The following MBTD1 variants were observed in gnomAD, a reference collection of about 807,000 sequenced individuals.
MBTD1 encodes the protein mbt domain containing 1, also known as MBT domain-containing protein 1.
Under a neutral mutation model 87.8 loss-of-function variants are expected in MBTD1, and 24 were observed. The observed-to-expected ratio is 0.27, with a 90% confidence interval of 0.20 to 0.38. The LOEUF (loss-of-function observed/expected upper bound fraction) is 0.38, where lower values mean the gene tolerates loss of function less well. Ranked by LOEUF, MBTD1 falls within the 10% of genes least tolerant of loss-of-function variation. The pLI is 1.00. For synonymous variants in MBTD1, 237 were observed against 248.6 expected, an observed-to-expected ratio of 0.95 and a Z score of 0.44; for missense variants, 436 against 760.2, an observed-to-expected ratio of 0.57 and a Z score of 5.02.
intron 2 of MBTD1, chr17:51,249,797 T>C (rs972378926): frequency 6.6e-5 from 10 of 152,242 alleles, no homozygotes; most frequent in African/African-American, 2.4e-5. Context: ...CTGTATTTTT[T>C]TTCTTACCTA....
At chr17:51,215,402 C>T (rs956817505) in intron 6 of MBTD1, among the ~76,000 whole-genome samples, 24 of 151,970 alleles carry the variant, frequency 1.6e-4, no homozygotes, top group African/African-American at 5.3e-4. Context: ...GGTTGAAATG[C>T]CATTTTTTTT....
chr17:51,211,589 A>G (rs2052223024), intron 6 of MBTD1, among the ~76,000 whole-genome samples: 1 of 152,076 alleles, frequency 6.6e-6, no homozygotes, highest in African/African-American at 2.4e-5. Context: ...TTTCATGGCA[A>G]CACTCAGACT....
rs544716183 is a variant in MBTD1 at position 51,243,324 on chromosome 17, A to T, written c.-49+15819T>A. On this transcript the variant is annotated intron_variant, in intron 2 of 16. Transcript: ENST00000586178. The stretch of plus-strand genomic sequence containing the variant: ...TTTTTTAAGCTCTCTATTTGGAAGT[A>T]ACTTTGAACTTTCAGGAAAGTTAGA... 9.9e-5 allele frequency among the ~76,000 whole-genome samples: 15 copies of T among 152,010 alleles called. No individual in the cohort carries two copies. In the East Asian group the frequency reaches 2.9e-3, roughly 29 times the overall value.
In MBTD1 at chr17:51,178,793, C is replaced by T. The variant is rs778331377; in HGVS notation, c.*1783G>A. ...TATTTGACACATGAGAATCAACTTG[C>T]GTTGATGTGATCTGCATTTATGCCC... On this transcript the variant is annotated 3_prime_UTR_variant, in exon 17 of 17. Coordinates refer to ENST00000586178, the MANE Select transcript of MBTD1 (RefSeq NM_017643.3). 3.9e-5 allele frequency: 6 copies of T among 152,170 alleles called. No homozygotes were observed. The highest frequency in any genetic ancestry group is 1.3e-4 in the Admixed American group (2 of 15,272). The allele number at this position is 152,170 out of a possible 1,614,324, so 9.4% of individuals were successfully genotyped here.
At position 51,180,569 on chromosome 17, in the gene MBTD1, A is replaced by C. The variant is rs1052428448; in HGVS notation, c.*7T>G. 6 of 1,500,748 alleles carry C rather than the reference A, an allele frequency of 4.0e-6. No homozygotes were observed. In the African/African-American group the frequency reaches 8.4e-5, roughly 21 times the overall value. The allele number at this position is 1,500,748 out of a possible 1,614,324, so 93.0% of individuals were successfully genotyped here. A position where few individuals can be genotyped will look rare whatever the true frequency, so the allele number is the denominator to read the frequency against. On this transcript the variant is annotated 3_prime_UTR_variant, in exon 17 of 17. Transcript: ENST00000586178. ...CTTCCCCACCCGCCCTCAGTTTCTA[A>C]GCCACCTCATGGCTCTTGTTTGATG...
At chr17:51,228,237 G>A (rs2053342591) in intron 2 of MBTD1, among the ~76,000 whole-genome samples, 1 of 152,048 alleles carries the variant, frequency 6.6e-6, no homozygotes, top group African/African-American at 2.4e-5. Context: ...AGGGTGGGAG[G>A]AGGGAGAGGA....
At chr17:51,187,870 A>G (rs558656439) in intron 16 of MBTD1, among the ~76,000 whole-genome samples, 26 of 151,610 alleles carry the variant, frequency 1.7e-4, no homozygotes, top group African/African-American at 2.9e-4. Flanking sequence ...AAGAAAGAAA[A>G]AAAAAAAAAA....
chr17:51,179,484 T>TTTTA lies in MBTD1; in HGVS notation c.*1091_*1092insTAAA, dbSNP rs2050203728. The stretch of plus-strand genomic sequence containing the variant: ...ATCCTGAATACAATTAAAGACAATT[T>TTTTA]TATATATATATATATATATATATAT... On this transcript the variant is annotated 3_prime_UTR_variant, in exon 17 of 17. Coordinates refer to ENST00000586178, the MANE Select transcript of MBTD1 (RefSeq NM_017643.3). 2.8e-5 allele frequency: 1 copy of TTTTA among 35,306 alleles called. No homozygotes were observed. The highest frequency in any genetic ancestry group is 5.9e-5 in the Non-Finnish European group (1 of 17,020). The allele number at this position is 35,306 out of a possible 1,614,324, so 2.2% of individuals were successfully genotyped here. A position where few individuals can be genotyped will look rare whatever the true frequency, so the allele number is the denominator to read the frequency against.
intron 2 of MBTD1, among the ~76,000 whole-genome samples, chr17:51,227,223 C>T (rs1044065675): frequency 8.0e-6 from 1 of 124,802 alleles, no homozygotes; most frequent in African/African-American, 3.2e-5. Flanking sequence ...GCCTGGGTGA[C>T]AGAGCGAGAC....
At chr17:51,219,283 AAT>A (rs1192310311) in intron 4 of MBTD1, among the ~76,000 whole-genome samples, 1 of 152,214 alleles carries the variant, frequency 6.6e-6, no homozygotes, top group Non-Finnish European at 1.5e-5. Flanking sequence ...TATGCAAATT[AAT>A]ATGTTAATAA....
At chr17:51,240,018 T>G (rs2054074328) in intron 2 of MBTD1, among the ~76,000 whole-genome samples, 1 of 152,248 alleles carries the variant, frequency 6.6e-6, no homozygotes, top group African/African-American at 2.4e-5. Flanking sequence ...TGCCTTAGTC[T>G]TTAATCTAGA....
At chr17:51,181,981 G>A (rs1051004888) in intron 16 of MBTD1, among the ~76,000 whole-genome samples, 6 of 151,998 alleles carry the variant, frequency 3.9e-5, no homozygotes, top group Admixed American at 2.6e-4. Flanking sequence ...GAACAGATGA[G>A]GTGGTCTTTT....
At chr17:51,238,695 G>A (rs1419688478) in intron 2 of MBTD1, among the ~76,000 whole-genome samples, 2 of 152,172 alleles carry the variant, frequency 1.3e-5, no homozygotes, top group South Asian at 2.1e-4. Context: ...AGTAACTGCA[G>A]GAAACAAAGT....
In MBTD1 at chr17:51,254,356, G is replaced by GT. The variant is rs748618397; in HGVS notation, c.-49+4786dup. Reference sequence around the variant, plus strand: ...CTTACTGTTACGAGGAACATAAATGGTAAGGATTTGGGATTACTGAGTTTT... The same window carrying GT: ...CTTACTGTTACGAGGAACATAAATGGTTAAGGATTTGGGATTACTGAGTTTT... On this transcript the variant is annotated intron_variant, in intron 2 of 16. Coordinates refer to ENST00000586178, the MANE Select transcript of MBTD1 (RefSeq NM_017643.3). Among the ~76,000 whole-genome samples the GT allele has an allele frequency of 1.2e-4, 19 of 152,296 alleles. No individual in the cohort carries two copies. The East Asian group carries it at 1.5e-3, about 12-fold the overall frequency.
intron 2 of MBTD1, among the ~76,000 whole-genome samples, chr17:51,245,917 T>G (rs371054366): frequency 2.0e-5 from 3 of 152,354 alleles, no homozygotes; most frequent in African/African-American, 7.2e-5. Context: ...ATGATCTCAT[T>G]AAATTTCTAA....
intron 2 of MBTD1, among the ~76,000 whole-genome samples, chr17:51,253,271 CT>C (rs1409089674): frequency 1.3e-5 from 2 of 152,114 alleles, no homozygotes; most frequent in Admixed American, 1.3e-4. Flanking sequence ...CATATGAAAA[CT>C]TAAAATGGCT....
chr17:51,197,041 GATATATATATATAT>G (rs71149351), intron 12 of MBTD1, among the ~76,000 whole-genome samples: 3 of 87,630 alleles, frequency 3.4e-5, no homozygotes, highest in Non-Finnish European at 7.3e-5. Flanking sequence ...ATATATACAA[GATATATATATATAT>G]ATATATATAT....
chr17:51,201,511 A>T (rs527321747), intron 12 of MBTD1, 81 bp downstream of exon 12: 2 of 804,968 alleles, frequency 2.5e-6, no homozygotes, highest in East Asian at 5.1e-5. Flanking sequence ...TGTCAAAACG[A>T]ATATGCTTGG....
chr17:51,246,459 C>T (rs1175636121), intron 2 of MBTD1, among the ~76,000 whole-genome samples: 1 of 152,120 alleles, frequency 6.6e-6, no homozygotes, highest in Non-Finnish European at 1.5e-5. Flanking sequence ...CTATTGTAAT[C>T]TTCTCTTTTG....
Sources: gnomAD v4.1 joint callset for allele counts (sites outside exome capture counted in the v4.1 genomes callset) on GRCh38, gnomAD v4.1.1 for gene constraint, MANE v1.5 for transcripts, NCBI Gene and HGNC (gene_info 2026-07-23, HGNC 2026-07-21) for gene names.